Variants in ADGRL3 observed in about 807,000 individuals in gnomAD.
ADGRL3 encodes calcium-independent alpha-latrotoxin receptor 3.
Under a neutral mutation model 153.5 loss-of-function variants are expected in ADGRL3, and 62 were observed. The ratio of observed to expected loss-of-function variants is 0.40; its 90% confidence interval spans 0.33 to 0.50. ADGRL3 has a LOEUF of 0.50. ADGRL3 is among the 20% of genes least tolerant of loss of function. The pLI, the probability that ADGRL3 is intolerant of heterozygous loss-of-function variation, is 0.47. For synonymous variants in ADGRL3, 710 were observed against 672.5 expected, an observed-to-expected ratio of 1.06 and a Z score of -0.86; for missense variants, 1,641 against 1,859.4, an observed-to-expected ratio of 0.88 and a Z score of 2.16.
chr4:62,024,489 A>T (rs1243637633), intron 21 of ADGRL3, among the ~76,000 whole-genome samples: 2 of 152,140 alleles, frequency 1.3e-5, no homozygotes, highest in Non-Finnish European at 2.9e-5. Flanking sequence ...TTCATAGTTG[A>T]AATATAATAA....
In ADGRL3 at chr4:61,664,029, T is replaced by C. The variant is rs185448636; in HGVS notation, c.474-12797T>C. On this transcript the variant is annotated intron_variant, in intron 5 of 26. Coordinates refer to ENST00000683033, the MANE Select transcript of ADGRL3 (RefSeq NM_001387552.1). ...TGAATAGATGTCATCCATTTGTATATGATATGTTCTGGCTTCCTAGGCATG... is the reference window on the plus strand; with the variant it reads ...TGAATAGATGTCATCCATTTGTATACGATATGTTCTGGCTTCCTAGGCATG... Among the ~76,000 whole-genome samples, 215 of 152,306 alleles carry C rather than the reference T, an allele frequency of 1.4e-3. 2 individuals are homozygous for C. The highest frequency in any genetic ancestry group is 4.8e-3 in the African/African-American group (198 of 41,568).
intron 11 of ADGRL3, among the ~76,000 whole-genome samples, chr4:61,908,361 C>A (rs928311409): frequency 6.6e-6 from 1 of 152,080 alleles, no homozygotes; most frequent in African/African-American, 2.4e-5. Flanking sequence ...CTTTGGGAGG[C>A]CGAGACGGGT....
At chr4:61,286,730 G>T (rs2093955222) in intron 1 of ADGRL3, among the ~76,000 whole-genome samples, 1 of 151,384 alleles carries the variant, frequency 6.6e-6, no homozygotes, top group Admixed American at 6.6e-5. Flanking sequence ...CATATTCATT[G>T]ATATTTTGAA....
intron 2 of ADGRL3, among the ~76,000 whole-genome samples, chr4:61,458,201 T>A (rs1039566753): frequency 6.6e-6 from 1 of 151,612 alleles, no homozygotes; most frequent in African/African-American, 2.4e-5. Context: ...GAAGTAGGAA[T>A]AAATCATTTT....
At chr4:62,019,928 G>A (rs1236437061) in intron 21 of ADGRL3, among the ~76,000 whole-genome samples, 1 of 152,104 alleles carries the variant, frequency 6.6e-6, no homozygotes, top group African/African-American at 2.4e-5. Flanking sequence ...TTATTGTGGA[G>A]GCGAGAAAAC....
At chr4:61,999,434 T>G in intron 21 of ADGRL3, among the ~76,000 whole-genome samples, 1 of 152,250 alleles carries the variant, frequency 6.6e-6, no homozygotes, top group East Asian at 1.9e-4. Context: ...TTGGAATGTA[T>G]AATATTTTAG....
chr4:61,655,031 G>C (rs932533982), intron 5 of ADGRL3, among the ~76,000 whole-genome samples: 1 of 152,178 alleles, frequency 6.6e-6, no homozygotes, highest in African/African-American at 2.4e-5. Context: ...TAAATGAGTT[G>C]TCTTTTCATT....
Position 62,070,197 on chromosome 4 carries a change from C to A in ADGRL3, c.3921C>A (p.Ser1307Arg), listed in dbSNP as rs149701600. 2 of 1,613,842 alleles carry A rather than the reference C, an allele frequency of 1.2e-6. No individual in the cohort carries two copies. Among genetic ancestry groups the A allele is most frequent in the Non-Finnish European group, 1.7e-6 (2 of 1,179,904 alleles). The stretch of plus-strand genomic sequence containing the variant: ...ATGGCAATAGTTACAGCATTGCCAG[C>A]GGCGAATACCTGAGCAACTGTGTGC... The part of the protein sequence containing the change: ...GNHGNSYSIA[S>R]GEYLSNCVQI... The change falls in exon 27 of 27, where the codon AGC becomes AGA. Residue 1307 changes from serine (S) to arginine (R), a missense_variant. Around this residue, in one of 5 missense-constraint regions of ADGRL3, gnomAD observed 517 missense variants for 555.0 expected, o/e 0.93. Coordinates refer to ENST00000683033, the MANE Select transcript of ADGRL3 (RefSeq NM_001387552.1).
chr4:61,602,843 A>C (rs1004650980), intron 5 of ADGRL3, among the ~76,000 whole-genome samples: 1 of 152,194 alleles, frequency 6.6e-6, no homozygotes, highest in Non-Finnish European at 1.5e-5. Flanking sequence ...GATTACAACT[A>C]TGAGCAGGGA....
At chr4:61,486,755 T>C (rs988683229) in intron 2 of ADGRL3, among the ~76,000 whole-genome samples, 3 of 152,184 alleles carry the variant, frequency 2.0e-5, no homozygotes, top group Non-Finnish European at 4.4e-5. Context: ...TGGGAAAACC[T>C]TTCTTTTTTT....
At chr4:61,933,845 T>A (rs568411553) in intron 13 of ADGRL3, 1 of 152,322 alleles carries the variant, frequency 6.6e-6, no homozygotes, top group African/African-American at 2.4e-5. Context: ...TTTAAAACAC[T>A]TATGTGCTGC....
intron 1 of ADGRL3, among the ~76,000 whole-genome samples, chr4:61,232,465 C>T (rs1187001708): frequency 1.3e-5 from 2 of 151,832 alleles, no homozygotes; most frequent in African/African-American, 2.4e-5. Flanking sequence ...TGCACCACCA[C>T]ACCCGACTAA....
rs1216063567 is a variant in ADGRL3 at position 62,074,298 on chromosome 4, C to A, written c.*3390C>A. 1 of 152,084 alleles carries A rather than the reference C, an allele frequency of 6.6e-6. No individual in the cohort carries two copies. Among genetic ancestry groups the A allele is most frequent in the African/African-American group, 2.4e-5 (1 of 41,430 alleles). The allele number at this position is 152,084 out of a possible 1,614,324, so 9.4% of individuals were successfully genotyped here. A position where few individuals can be genotyped will look rare whatever the true frequency, so the allele number is the denominator to read the frequency against. Reference sequence around the variant, plus strand: ...TGCCACCGAAACAAACAAATGATTACTTTCTTGTCAAATAATATTTTTGTC... The same window carrying A: ...TGCCACCGAAACAAACAAATGATTAATTTCTTGTCAAATAATATTTTTGTC... On this transcript the variant is annotated 3_prime_UTR_variant, in exon 27 of 27. Coordinates refer to ENST00000683033, the MANE Select transcript of ADGRL3 (RefSeq NM_001387552.1).
At chr4:61,565,990 G>C (rs989188325) in intron 4 of ADGRL3, among the ~76,000 whole-genome samples, 2 of 152,078 alleles carry the variant, frequency 1.3e-5, no homozygotes, top group African/African-American at 4.8e-5. Flanking sequence ...ATTTACAGTT[G>C]TGAAAGAGAA....
intron 5 of ADGRL3, among the ~76,000 whole-genome samples, chr4:61,653,170 T>TCACACACA (rs34273823): frequency 2.6e-4 from 24 of 90,966 alleles, no homozygotes; most frequent in Non-Finnish European, 3.6e-4. Context: ...TCTCTCTCTC[T>TCACACACA]CACACACACA....
chr4:61,808,532 G>T (rs1375353612), intron 8 of ADGRL3, among the ~76,000 whole-genome samples: 4 of 152,086 alleles, frequency 2.6e-5, no homozygotes, highest in Non-Finnish European at 4.4e-5. Flanking sequence ...AAAAGGATAG[G>T]TATCAAATTG....
chr4:61,507,373 G>T (rs1230876273), intron 3 of ADGRL3, among the ~76,000 whole-genome samples: 6 of 152,044 alleles, frequency 3.9e-5, no homozygotes, highest in Non-Finnish European at 7.4e-5. Flanking sequence ...CTGTTGGCAG[G>T]CTTTATGTTG....
At chr4:61,729,984 A>C (rs1278569456) in intron 6 of ADGRL3, among the ~76,000 whole-genome samples, 3 of 152,010 alleles carry the variant, frequency 2.0e-5, no homozygotes, top group Non-Finnish European at 4.4e-5. Context: ...TTTCCACAGT[A>C]ATATCAAATA....
At position 61,948,295 on chromosome 4, in the gene ADGRL3, A is replaced by C; in HGVS notation, c.2805+19A>C. 1 of 1,595,420 alleles carries C rather than the reference A, an allele frequency of 6.3e-7. No homozygotes were observed. Among genetic ancestry groups the C allele is most frequent in the South Asian group, 1.1e-5 (1 of 90,280 alleles). ...AGTTAAGGTAAGATATATACCATAC[A>C]ATGAAAATGTTTTAGTATATTATAT... is the stretch of plus-strand genomic sequence containing the variant. On this transcript the variant is annotated intron_variant, in intron 17 of 26. Coordinates refer to ENST00000683033, the MANE Select transcript of ADGRL3 (RefSeq NM_001387552.1).
Sources: gnomAD v4.1 joint callset for allele counts (sites outside exome capture counted in the v4.1 genomes callset) on GRCh38, gnomAD v4.1.1 for gene constraint, gnomAD v4.1.1 regional missense constraint, MANE v1.5 for transcripts, NCBI Gene and HGNC (gene_info 2026-07-23, HGNC 2026-07-21) for gene names.